Variants in CSMD1 observed in about 807,000 individuals in gnomAD.
The protein encoded by CSMD1 is CUB and Sushi multiple domains 1.
In CSMD1, 213 loss-of-function variants were observed where a neutral mutation model predicts 417.5. The observed-to-expected ratio is 0.51, with a 90% CI of 0.46 to 0.57. CSMD1 has a LOEUF of 0.57. CSMD1 is among the 20% of genes least tolerant of loss of function. The pLI is 0.00. For missense variants in CSMD1, 6,923 were observed against 4,529.7 expected (o/e 1.53, Z -15.17); for synonymous variants, 2,862 against 1,736.8 (o/e 1.65, Z -16.11).
intron 3 of CSMD1, among the ~76,000 whole-genome samples, chr8:4,403,650 T>C (rs536841105): frequency 5.3e-5 from 8 of 152,242 alleles, no homozygotes; most frequent in African/African-American, 1.9e-4. Context: ...TGTTTATTTG[T>C]TTTCATCTCT....
chr8:4,817,700 T>C (rs537336024), intron 1 of CSMD1, among the ~76,000 whole-genome samples: 3 of 152,350 alleles, frequency 2.0e-5, no homozygotes, highest in East Asian at 1.9e-4. Context: ...TCACAATCAA[T>C]ACTTTAAATT....
At chr8:4,522,203 A>T (rs1803494029) in intron 2 of CSMD1, among the ~76,000 whole-genome samples, 1 of 152,098 alleles carries the variant, frequency 6.6e-6, no homozygotes, top group Non-Finnish European at 1.5e-5. Flanking sequence ...GATGATTTAT[A>T]AAAATGGGAG....
At chr8:4,208,931 T>C (rs1800138413) in intron 3 of CSMD1, among the ~76,000 whole-genome samples, 1 of 152,188 alleles carries the variant, frequency 6.6e-6, no homozygotes, top group African/African-American at 2.4e-5. Flanking sequence ...ACATAACAGA[T>C]AAAAACTTGA....
intron 23 of CSMD1, among the ~76,000 whole-genome samples, chr8:3,340,274 C>T (rs1007350470): frequency 1.1e-4 from 16 of 152,262 alleles, no homozygotes; most frequent in Admixed American, 2.6e-4. Context: ...GGAGCTATTT[C>T]CCAAGACCTG....
At chr8:3,032,086 G>A (rs1260139794) in intron 50 of CSMD1, among the ~76,000 whole-genome samples, 1 of 151,760 alleles carries the variant, frequency 6.6e-6, no homozygotes, top group Non-Finnish European at 1.5e-5. Context: ...AAACGTGTAT[G>A]AGTGGAAATT....
intron 1 of CSMD1, among the ~76,000 whole-genome samples, chr8:4,941,191 G>T (rs991489857): frequency 6.6e-6 from 1 of 152,080 alleles, no homozygotes; most frequent in South Asian, 2.1e-4. Context: ...CAAAAATATT[G>T]TAACATTCAT....
At chr8:4,446,327 C>A (rs142786691) in intron 2 of CSMD1, among the ~76,000 whole-genome samples, 1 of 152,100 alleles carries the variant, frequency 6.6e-6, no homozygotes, top group Admixed American at 6.5e-5. Context: ...ATGGGTGGAT[C>A]GCTTGAGCCC....
chr8:2,971,910 C>T (rs934988286), intron 57 of CSMD1, among the ~76,000 whole-genome samples: 3 of 151,934 alleles, frequency 2.0e-5, no homozygotes, highest in Admixed American at 6.6e-5. Flanking sequence ...TGTCAAGAGG[C>T]AATTCAGAGT....
chr8:3,114,624 G>C (rs1003022293), intron 42 of CSMD1, among the ~76,000 whole-genome samples: 1 of 151,916 alleles, frequency 6.6e-6, no homozygotes, highest in Non-Finnish European at 1.5e-5. Flanking sequence ...ACTCTGTCTT[G>C]GAAATTGCCG....
At chr8:3,519,237 A>T (rs140638421) in intron 10 of CSMD1, among the ~76,000 whole-genome samples, 1 of 152,228 alleles carries the variant, frequency 6.6e-6, no homozygotes, top group South Asian at 2.1e-4. Context: ...CTTTCCCTGC[A>T]TATAAACATT....
At chr8:4,646,859 T>A (rs999183668) in intron 1 of CSMD1, among the ~76,000 whole-genome samples, 6 of 152,324 alleles carry the variant, frequency 3.9e-5, no homozygotes, top group African/African-American at 1.2e-4. Flanking sequence ...ATGAAAATTA[T>A]ACAGATATGG....
At chr8:3,543,911 G>A (rs1798547371) in intron 10 of CSMD1, among the ~76,000 whole-genome samples, 1 of 152,204 alleles carries the variant, frequency 6.6e-6, no homozygotes, top group Non-Finnish European at 1.5e-5. Context: ...AGGACCCTGA[G>A]AACTCCAGTG....
chr8:3,347,915 A>G, intron 22 of CSMD1, 77 bp downstream of exon 22: 1 of 916,572 alleles, frequency 1.1e-6, no homozygotes, highest in Non-Finnish European at 1.6e-6. Flanking sequence ...ATATATCTAT[A>G]TGTAGAAAAA....
At chr8:2,971,927 T>C (rs1402928080) in intron 57 of CSMD1, among the ~76,000 whole-genome samples, 1 of 152,142 alleles carries the variant, frequency 6.6e-6, no homozygotes, top group African/African-American at 2.4e-5. Context: ...GAGTAAAAAA[T>C]TATCTTGGAT....
chr8:3,920,552 T>C (rs962807728), intron 5 of CSMD1, among the ~76,000 whole-genome samples: 5 of 152,172 alleles, frequency 3.3e-5, no homozygotes, highest in African/African-American at 1.2e-4. Context: ...ACTTGTCTTG[T>C]TCTTAAATTT....
chr8:3,176,474 T>C (rs1585561217), intron 37 of CSMD1, among the ~76,000 whole-genome samples: 1 of 152,120 alleles, frequency 6.6e-6, no homozygotes, highest in Non-Finnish European at 1.5e-5. Flanking sequence ...ATTTTAGTAT[T>C]GGTATAACTA....
chr8:3,361,651 C>CAAAAAAAA (rs765648287), intron 20 of CSMD1, among the ~76,000 whole-genome samples: 11 of 79,204 alleles, frequency 1.4e-4, no homozygotes, highest in East Asian at 4.3e-4. Context: ...GATTCCATCT[C>CAAAAAAAA]AAAAAAAAAA....
chr8:4,788,877 G>A (rs76597867), intron 1 of CSMD1, among the ~76,000 whole-genome samples: 2 of 152,106 alleles, frequency 1.3e-5, no homozygotes, highest in Non-Finnish European at 2.9e-5. Flanking sequence ...TGACTCCAGG[G>A]CAGGCACATG....
At chr8:4,857,546 A>C (rs567792052) in intron 1 of CSMD1, among the ~76,000 whole-genome samples, 1 of 152,230 alleles carries the variant, frequency 6.6e-6, no homozygotes, top group Non-Finnish European at 1.5e-5. Flanking sequence ...AAGAGAGAAG[A>C]ATCAAATAGA....
Sources: allele counts gnomAD v4.1 joint callset (sites outside exome capture counted in the v4.1 genomes callset), GRCh38; gene constraint gnomAD v4.1.1; transcripts MANE v1.5; gene names NCBI Gene and HGNC (gene_info 2026-07-23, HGNC 2026-07-21).